CORO1C: variants seen among roughly 807,000 people sequenced by gnomAD.
CORO1C encodes coronin 1C, also known as coronin-1C.
In CORO1C, 14 loss-of-function variants were observed where a neutral mutation model predicts 51.2. That is an observed-to-expected ratio of 0.27 (90% CI 0.18 to 0.43). The LOEUF is 0.43. CORO1C is among the 20% of genes least tolerant of loss of function. CORO1C has a pLI of 1.00. For missense variants in CORO1C, 417 were observed against 607.8 expected (o/e 0.69, Z 3.30); for synonymous variants, 181 against 210.5 (o/e 0.86, Z 1.21).
intron 4 of CORO1C, among the ~76,000 whole-genome samples, chr12:108,661,554 A>G (rs576149219): frequency 1.1e-4 from 17 of 152,226 alleles, no homozygotes; most frequent in African/African-American, 3.1e-4. Context: ...TTTTGTTTAT[A>G]TATGTTCTCT....
intron 1 of CORO1C, among the ~76,000 whole-genome samples, chr12:108,719,149 T>C (rs577609586): frequency 4.6e-5 from 7 of 152,344 alleles, no homozygotes; most frequent in Middle Eastern, 6.8e-3. Context: ...TAATTCTCTA[T>C]GCTAAATTAA....
At chr12:108,663,731 A>G (rs1197079741) in intron 3 of CORO1C, among the ~76,000 whole-genome samples, 1 of 152,174 alleles carries the variant, frequency 6.6e-6, no homozygotes, top group Non-Finnish European at 1.5e-5. Flanking sequence ...GGGTTTCTAT[A>G]TGAGGTGATG....
intron 1 of CORO1C, among the ~76,000 whole-genome samples, chr12:108,712,418 C>T (rs1565936002): frequency 1.3e-5 from 2 of 151,330 alleles, no homozygotes; most frequent in African/African-American, 4.9e-5. Flanking sequence ...TAGTAAAATA[C>T]AAAAAATCAG....
At position 108,652,353 on chromosome 12, in the gene CORO1C, G is replaced by A; in HGVS notation, c.920C>T (p.Thr307Ile). ...DESPYVHYLN[T>I]FSSKEPQRGM... is the part of the protein sequence containing the mutation. ...TCTCTGAGGCTCCTTGCTGCTGAATGTGTTGAGGTAGTGGACGTACGGGGA... is the reference window on the plus strand; with the variant it reads ...TCTCTGAGGCTCCTTGCTGCTGAATATGTTGAGGTAGTGGACGTACGGGGA... Residue 307 changes from threonine to isoleucine, a missense_variant, in exon 8 of 11, where the codon ACA (threonine) becomes ATA (isoleucine). Thr to Ile is a moderately conservative substitution (Grantham distance 89, BLOSUM62 -1). Coordinates refer to ENST00000261401, the MANE Select transcript of CORO1C (RefSeq NM_014325.4). The A allele has an allele frequency of 6.2e-7, 1 of 1,613,750 alleles. No homozygotes were observed. The highest frequency in any genetic ancestry group is 8.5e-7 in the Non-Finnish European group (1 of 1,179,650).
intron 2 of CORO1C, among the ~76,000 whole-genome samples, chr12:108,695,218 C>G (rs2034633223): frequency 6.6e-6 from 1 of 152,212 alleles, no homozygotes; most frequent in Non-Finnish European, 1.5e-5. Context: ...GCTGGAGTAT[C>G]CTCACAACAT....
At chr12:108,661,298 G>T (rs1430402787) in intron 4 of CORO1C, among the ~76,000 whole-genome samples, 1 of 152,178 alleles carries the variant, frequency 6.6e-6, no homozygotes, top group Non-Finnish European at 1.5e-5. Flanking sequence ...CAAGTAAAAT[G>T]AGGTATATCC....
chr12:108,669,118 G>A (rs567312851), intron 3 of CORO1C, among the ~76,000 whole-genome samples: 19 of 152,286 alleles, frequency 1.2e-4, no homozygotes, highest in Admixed American at 5.2e-4. Flanking sequence ...AAGAAGCCAC[G>A]TCTAAAAAAT....
intron 2 of CORO1C, among the ~76,000 whole-genome samples, chr12:108,693,124 CT>C (rs912947642): frequency 6.6e-6 from 1 of 151,908 alleles, no homozygotes; most frequent in Admixed American, 6.6e-5. Flanking sequence ...ATCCTCCCCC[CT>C]AAAGAAAAAT....
intron 1 of CORO1C, among the ~76,000 whole-genome samples, chr12:108,706,186 C>CAAAAAAAAAAAAAAAAAAA (rs368147183): frequency 8.4e-6 from 1 of 118,582 alleles, no homozygotes; most frequent in Non-Finnish European, 1.7e-5. Context: ...GACTCTGAAT[C>CAAAAAAAAAAAAAAAAAAA]AAAAAAAAAC....
intron 2 of CORO1C, among the ~76,000 whole-genome samples, chr12:108,693,242 C>A (rs555269174): frequency 1.3e-5 from 2 of 152,290 alleles, no homozygotes; most frequent in East Asian, 3.9e-4. Flanking sequence ...CGGTCTTGGA[C>A]AACCACTCAA....
intron 1 of CORO1C, chr12:108,702,975 C>T: frequency 1.3e-6 from 2 of 1,502,242 alleles, no homozygotes; most frequent in Middle Eastern, 1.7e-4. Context: ...GAGGAGATGG[C>T]AAATGATTCG....
chr12:108,678,045 C>T (rs1013585046), intron 3 of CORO1C, among the ~76,000 whole-genome samples: 7 of 151,736 alleles, frequency 4.6e-5, no homozygotes, highest in Non-Finnish European at 1.0e-4. Flanking sequence ...AAGAAAGACA[C>T]GGCAGACACT....
intron 1 of CORO1C, 43 bp from the exon 2 acceptor site, chr12:108,701,366 ACT>A (rs2034864530): frequency 1.2e-6 from 2 of 1,611,982 alleles, no homozygotes; most frequent in Non-Finnish European, 1.7e-6. Context: ...TATGCACCAA[ACT>A]GAAAGCTTTA....
rs1258661625 is a variant in CORO1C at position 108,704,436 on chromosome 12, C to A, written c.-5-3113G>T. ...TCAGTGAGCCAAGATCGCACCACTG[C>A]ACTCCAGCCTGGGCGACATAGCAAG... On this transcript the variant is annotated intron_variant, in intron 1 of 10. Transcript: ENST00000261401. Among the ~76,000 whole-genome samples, 7 of 151,130 alleles carry A rather than the reference C, an allele frequency of 4.6e-5. No individual in the cohort carries two copies. The East Asian group carries it at 1.4e-3, about 29-fold the overall frequency.
chr12:108,698,065 G>A (rs940890722), intron 2 of CORO1C, among the ~76,000 whole-genome samples: 2 of 151,778 alleles, frequency 1.3e-5, no homozygotes, highest in African/African-American at 2.4e-5. Flanking sequence ...CAACTTAGAA[G>A]AAAAAAAAGG....
chr12:108,716,114 C>T (rs1309272966), intron 1 of CORO1C, among the ~76,000 whole-genome samples: 2 of 95,720 alleles, frequency 2.1e-5, no homozygotes, highest in African/African-American at 8.3e-5. Context: ...GGCAATAGAA[C>T]GAGACTCTGT....
intron 1 of CORO1C, among the ~76,000 whole-genome samples, chr12:108,707,262 C>T (rs2035054203): frequency 6.6e-6 from 1 of 152,186 alleles, no homozygotes; most frequent in South Asian, 2.1e-4. Context: ...AGGAAGACTC[C>T]TATTTCCTGA....
chr12:108,711,326 T>C (rs140582947), intron 1 of CORO1C, among the ~76,000 whole-genome samples: 1 of 152,064 alleles, frequency 6.6e-6, no homozygotes. Flanking sequence ...GCCATGATCA[T>C]GCCACTGCAC....
intron 1 of CORO1C, among the ~76,000 whole-genome samples, chr12:108,729,211 G>A (rs1004118264): frequency 6.6e-6 from 1 of 152,090 alleles, no homozygotes; most frequent in Non-Finnish European, 1.5e-5. Flanking sequence ...TGACAGATAA[G>A]TTAAACATAA....
Sources: gnomAD v4.1 joint callset for allele counts (sites outside exome capture counted in the v4.1 genomes callset) on GRCh38, gnomAD v4.1.1 for gene constraint, MANE v1.5 for transcripts, NCBI Gene and HGNC (gene_info 2026-07-23, HGNC 2026-07-21) for gene names.